Variants in EEIG2 observed in about 807,000 individuals in gnomAD.
EEIG2 encodes EEIG family member 2.
At chr1:108,576,746 G>T in the EEIG2 span, among the ~76,000 whole-genome samples, 1 of 149,478 alleles carries the variant, frequency 6.7e-6, no homozygotes, top group African/African-American at 2.5e-5. Context: ...GAATAATGCC[G>T]CAATAAACAT....
chr1:108,607,014 G>A, the EEIG2 span, among the ~76,000 whole-genome samples: 1 of 152,008 alleles, frequency 6.6e-6, no homozygotes, highest in African/African-American at 2.4e-5. Context: ...AAATCTAGTT[G>A]GTTGCAATGC....
At chr1:108,616,350 TA>T in the EEIG2 span, 1 of 1,439,016 alleles carries the variant, frequency 6.9e-7, no homozygotes, top group South Asian at 1.2e-5. Flanking sequence ...TATAATTTTT[TA>T]TAATCGTGAT....
chr1:108,625,343 CATG>C, the EEIG2 span: 1 of 152,234 alleles, frequency 6.6e-6, no homozygotes, highest in Non-Finnish European at 1.5e-5. Flanking sequence ...GAAGTAAAAG[CATG>C]GTGGGGATAA....
the EEIG2 span, among the ~76,000 whole-genome samples, chr1:108,572,905 G>T: frequency 6.6e-6 from 1 of 152,162 alleles, no homozygotes; most frequent in Non-Finnish European, 1.5e-5. Flanking sequence ...TTAGTAATAT[G>T]CATTTAAGGT....
the EEIG2 span, among the ~76,000 whole-genome samples, chr1:108,594,978 G>A: frequency 6.6e-6 from 1 of 151,708 alleles, no homozygotes; most frequent in Non-Finnish European, 1.5e-5. Context: ...TTTCCTGCTT[G>A]TCTGGTTTGT....
the EEIG2 span, among the ~76,000 whole-genome samples, chr1:108,597,905 C>G: frequency 2.5e-4 from 38 of 152,262 alleles, no homozygotes; most frequent in African/African-American, 8.9e-4. Context: ...AACAACCAAG[C>G]GCCTTGATGC....
chr1:108,624,852 A>G, the EEIG2 span: 3 of 804,198 alleles, frequency 3.7e-6, no homozygotes, highest in Non-Finnish European at 6.2e-6. Flanking sequence ...ACAGGCCAAT[A>G]AGAATCAACA....
the EEIG2 span, among the ~76,000 whole-genome samples, chr1:108,564,769 C>T: frequency 6.6e-6 from 1 of 151,598 alleles, no homozygotes; most frequent in Non-Finnish European, 1.5e-5. Context: ...ATGGCAAAAC[C>T]CCATTTCTAC....
At chr1:108,623,691 A>C in the EEIG2 span, among the ~76,000 whole-genome samples, 1 of 151,644 alleles carries the variant, frequency 6.6e-6, no homozygotes, top group Non-Finnish European at 1.5e-5. Context: ...TTTTTTTTTG[A>C]GACGGAGTCT....
the EEIG2 span, chr1:108,637,637 A>G: frequency 6.6e-6 from 1 of 152,216 alleles, no homozygotes; most frequent in Non-Finnish European, 1.5e-5. Flanking sequence ...TTGCAGATGT[A>G]TACAATACTT....
At chr1:108,629,012 T>C in the EEIG2 span, among the ~76,000 whole-genome samples, 1 of 152,240 alleles carries the variant, frequency 6.6e-6, no homozygotes. Flanking sequence ...AAATGTTAGT[T>C]AAAAGTGATC....
chr1:108,620,572 A>G, the EEIG2 span, among the ~76,000 whole-genome samples: 1 of 152,240 alleles, frequency 6.6e-6, no homozygotes, highest in Non-Finnish European at 1.5e-5. Context: ...TAGGGGTGAT[A>G]TAAGTCTCTT....
At chr1:108,614,671 C>T in the EEIG2 span, among the ~76,000 whole-genome samples, 328 of 152,274 alleles carry the variant, frequency 2.2e-3, 2 homozygotes, top group East Asian at 0.05. Context: ...CTTCTGGAAT[C>T]CAAAGTTTGC....
the EEIG2 span, among the ~76,000 whole-genome samples, chr1:108,591,580 G>A: frequency 1.3e-5 from 2 of 152,174 alleles, no homozygotes; most frequent in African/African-American, 4.8e-5. Flanking sequence ...AAACAAGGCA[G>A]AGAGAACGGG....
At chr1:108,619,295 C>T in the EEIG2 span, among the ~76,000 whole-genome samples, 1 of 152,148 alleles carries the variant, frequency 6.6e-6, no homozygotes, top group Non-Finnish European at 1.5e-5. Flanking sequence ...ATTCCAAATA[C>T]ATAAAATATT....
the EEIG2 span, among the ~76,000 whole-genome samples, chr1:108,594,224 G>C: frequency 6.6e-6 from 1 of 152,146 alleles, no homozygotes; most frequent in African/African-American, 2.4e-5. Context: ...ATTTTAAGGA[G>C]ACAGGAGCAA....
the EEIG2 span, among the ~76,000 whole-genome samples, chr1:108,566,618 T>G: frequency 6.6e-6 from 1 of 152,106 alleles, no homozygotes; most frequent in Non-Finnish European, 1.5e-5. Context: ...GCCAAGTTAT[T>G]GAAACAACCT....
the EEIG2 span, among the ~76,000 whole-genome samples, chr1:108,562,111 G>T: frequency 6.6e-6 from 1 of 152,290 alleles, no homozygotes; most frequent in Non-Finnish European, 1.5e-5. Flanking sequence ...TAAGGTAGGG[G>T]TTCCATTTCG....
the EEIG2 span, chr1:108,627,241 T>TTA: frequency 6.6e-6 from 1 of 152,234 alleles, no homozygotes; most frequent in African/African-American, 2.4e-5. Flanking sequence ...TTTGGACCAC[T>TTA]TATACTCTGT....
Sources: gnomAD v4.1 joint callset for allele counts (sites outside exome capture counted in the v4.1 genomes callset) on GRCh38, gnomAD v4.1.1 for gene constraint, MANE v1.5 for transcripts, NCBI Gene and HGNC (gene_info 2026-07-23, HGNC 2026-07-21) for gene names.